Variants in PTPRD observed in about 807,000 individuals in gnomAD.
PTPRD encodes receptor-type tyrosine-protein phosphatase delta.
PTPRD carries 34 observed loss-of-function variants against 214.5 expected under a neutral mutation model. The observed-to-expected ratio is 0.16, with a 90% CI of 0.12 to 0.21. PTPRD has a LOEUF of 0.21. Ranked by LOEUF, PTPRD falls within the 10% of genes least tolerant of loss-of-function variation. The pLI is 1.00. For missense variants in PTPRD, 2,545 were observed against 2,398.7 expected (o/e 1.06, Z -1.27); for synonymous variants, 1,128 against 845.7 (o/e 1.33, Z -5.79).
intron 3 of PTPRD, among the ~76,000 whole-genome samples, chr9:10,090,429 C>A (rs950245882): frequency 6.6e-6 from 1 of 151,248 alleles, no homozygotes; most frequent in Non-Finnish European, 1.5e-5. Context: ...CATGGCAATT[C>A]TTAAAGGGCA....
intron 11 of PTPRD, among the ~76,000 whole-genome samples, chr9:8,762,951 C>T (rs565533932): frequency 1.3e-5 from 2 of 152,148 alleles, no homozygotes; most frequent in African/African-American, 4.8e-5. Context: ...CTCCTTCCAG[C>T]GTGACACTGA....
chr9:8,735,567 G>A (rs1334899051), intron 11 of PTPRD, among the ~76,000 whole-genome samples: 1 of 152,182 alleles, frequency 6.6e-6, no homozygotes, highest in Non-Finnish European at 1.5e-5. Context: ...TCTGGTTGAA[G>A]TCATGGGAAA....
chr9:10,295,918 C>T (rs1313258345), intron 3 of PTPRD, among the ~76,000 whole-genome samples: 1 of 152,008 alleles, frequency 6.6e-6, no homozygotes, highest in African/African-American at 2.4e-5. Context: ...TAACGGCTTC[C>T]TCAGATCTCA....
At chr9:9,930,655 AAGAT>A (rs1161262891) in intron 5 of PTPRD, among the ~76,000 whole-genome samples, 3 of 152,150 alleles carry the variant, frequency 2.0e-5, no homozygotes, top group Non-Finnish European at 4.4e-5. Flanking sequence ...TATATGATGA[AAGAT>A]AGCATTGAGT....
chr9:9,892,213 G>T (rs536956193), intron 5 of PTPRD, among the ~76,000 whole-genome samples: 3 of 151,976 alleles, frequency 2.0e-5, no homozygotes, highest in Non-Finnish European at 4.4e-5. Flanking sequence ...AATGTAGGAA[G>T]AAAAGTAATA....
At chr9:10,500,295 T>A (rs1207357430) in intron 2 of PTPRD, among the ~76,000 whole-genome samples, 1 of 151,776 alleles carries the variant, frequency 6.6e-6, no homozygotes, top group Non-Finnish European at 1.5e-5. Context: ...CAGACTTCAT[T>A]CAGAACCTGA....
chr9:8,659,596 T>C (rs1056808555), intron 12 of PTPRD, among the ~76,000 whole-genome samples: 6 of 152,206 alleles, frequency 3.9e-5, no homozygotes, highest in Non-Finnish European at 8.8e-5. Context: ...AAAGTTTAAA[T>C]ACCAGTAGAG....
At chr9:9,042,252 A>G (rs2099642286) in intron 10 of PTPRD, among the ~76,000 whole-genome samples, 1 of 152,184 alleles carries the variant, frequency 6.6e-6, no homozygotes, top group Non-Finnish European at 1.5e-5. Context: ...AAGAAGAAAG[A>G]AAATGCTTCC....
chr9:9,418,768 T>G (rs2077737929), intron 8 of PTPRD, among the ~76,000 whole-genome samples: 1 of 151,948 alleles, frequency 6.6e-6, no homozygotes, highest in South Asian at 2.1e-4. Context: ...GCATTGAAAG[T>G]GAGATCAGGC....
intron 2 of PTPRD, among the ~76,000 whole-genome samples, chr9:10,470,946 A>G (rs1258997744): frequency 1.3e-5 from 2 of 152,202 alleles, no homozygotes; most frequent in Non-Finnish European, 2.9e-5. Context: ...TGGCACATAT[A>G]CAAGATGGAA....
intron 5 of PTPRD, among the ~76,000 whole-genome samples, chr9:9,853,013 T>C (rs1239686202): frequency 2.6e-5 from 4 of 152,196 alleles, no homozygotes; most frequent in African/African-American, 9.7e-5. Context: ...TATAGCATCA[T>C]GTACAACACT....
rs917858574 is a variant in PTPRD, at chr9:8,386,828, T to G, written c.4386+2404A>C. ...TACTTTAGGTAAAAGAGCAACTGGA[T>G]AGGGAAAGGGTGAGATGGGAATGAT... is the stretch of plus-strand genomic sequence containing the variant. On this transcript the variant is annotated intron_variant, in intron 37 of 45. Coordinates refer to ENST00000381196, the MANE Select transcript of PTPRD (RefSeq NM_002839.4). Among the ~76,000 whole-genome samples, 10 of 152,184 alleles carry G rather than the reference T, an allele frequency of 6.6e-5. No homozygotes were observed. In the East Asian group the frequency reaches 9.7e-4, roughly 15 times the overall value.
At chr9:8,716,178 G>T (rs2098433998) in intron 12 of PTPRD, among the ~76,000 whole-genome samples, 2 of 152,200 alleles carry the variant, frequency 1.3e-5, no homozygotes, top group South Asian at 4.1e-4. Context: ...GAAACCAGGA[G>T]AAGAGAGGGG....
At chr9:8,368,227 G>A (rs1184201729) in intron 39 of PTPRD, among the ~76,000 whole-genome samples, 1 of 152,166 alleles carries the variant, frequency 6.6e-6, no homozygotes, top group African/African-American at 2.4e-5. Flanking sequence ...AGTTAAGTAC[G>A]TTTTCTTCAG....
chr9:9,616,609 G>A (rs922213708), intron 7 of PTPRD, among the ~76,000 whole-genome samples: 29 of 152,218 alleles, frequency 1.9e-4, no homozygotes, highest in African/African-American at 6.3e-4. Context: ...GCTGCTAAGA[G>A]TTTTAAGAGA....
intron 9 of PTPRD, among the ~76,000 whole-genome samples, chr9:9,224,986 C>G (rs1447306580): frequency 6.6e-6 from 1 of 151,996 alleles, no homozygotes; most frequent in Non-Finnish European, 1.5e-5. Context: ...TGAATACTAA[C>G]TTGATCCAGT....
At chr9:8,785,040 G>A (rs907550566) in intron 11 of PTPRD, among the ~76,000 whole-genome samples, 1 of 152,014 alleles carries the variant, frequency 6.6e-6, no homozygotes, top group African/African-American at 2.4e-5. Flanking sequence ...TGCCTTCTGA[G>A]ACTAATAAAA....
At chr9:10,213,237 G>C (rs2154343073) in intron 3 of PTPRD, among the ~76,000 whole-genome samples, 1 of 151,956 alleles carries the variant, frequency 6.6e-6, no homozygotes. Context: ...GTATTCACTA[G>C]ATGGCAGAGT....
chr9:9,592,006 G>A (rs1004013872), intron 7 of PTPRD, among the ~76,000 whole-genome samples: 1 of 151,820 alleles, frequency 6.6e-6, no homozygotes, highest in Non-Finnish European at 1.5e-5. Context: ...TCTACTTCTA[G>A]GAGATCAACT....
Sources: allele counts gnomAD v4.1 joint callset (sites outside exome capture counted in the v4.1 genomes callset), GRCh38; gene constraint gnomAD v4.1.1; transcripts MANE v1.5; gene names NCBI Gene and HGNC (gene_info 2026-07-23, HGNC 2026-07-21).